FAM107B: variants seen among roughly 807,000 people sequenced by gnomAD.
FAM107B encodes the protein family with sequence similarity 107 member B, also known as protein FAM107B.
Under a neutral mutation model 31.5 loss-of-function variants are expected in FAM107B, and 21 were observed. The ratio of observed to expected loss-of-function variants is 0.67; its 90% CI spans 0.47 to 0.96. FAM107B has a LOEUF of 0.96. Ranked by LOEUF, FAM107B falls within the 40% of genes least tolerant of loss-of-function variation. FAM107B has a pLI of 0.00. For synonymous variants in FAM107B, 157 were observed against 141.5 expected, an observed-to-expected ratio of 1.11 and a Z score of -0.78; for missense variants, 452 against 377.1, an observed-to-expected ratio of 1.20 and a Z score of -1.64.
intron 1 of FAM107B, among the ~76,000 whole-genome samples, chr10:14,678,170 C>G (rs1044634170): frequency 2.6e-5 from 4 of 152,230 alleles, no homozygotes; most frequent in African/African-American, 9.6e-5. Flanking sequence ...GACTTATTCT[C>G]TCTAAATTTC....
chr10:14,771,139 C>T (rs1444667782), intron 1 of FAM107B, among the ~76,000 whole-genome samples: 1 of 152,106 alleles, frequency 6.6e-6, no homozygotes, highest in Non-Finnish European at 1.5e-5. Flanking sequence ...CATGCCATTG[C>T]AAAGTCACTT....
At chr10:14,571,978 A>G (rs1851264688) in intron 2 of FAM107B, 1 of 985,340 alleles carries the variant, frequency 1.0e-6, no homozygotes, top group African/African-American at 1.7e-5. Flanking sequence ...AAAAGATCGC[A>G]GTAAGAATGC....
rs1416047109 is a variant in FAM107B at position 14,717,206 on chromosome 10, T to C, written c.412-49515A>G. On this transcript the variant is annotated intron_variant, in intron 1 of 4. Coordinates refer to ENST00000181796, the MANE Select transcript of FAM107B (RefSeq NM_031453.4). ...TGGGTAAGGTAGTGAGCACGTGGTT[T>C]GTTCTGAAGTCCTGGCTTAGGCCCA... 2.0e-5 allele frequency among the ~76,000 whole-genome samples: 3 copies of C among 152,360 alleles called. No individual in the cohort carries two copies. The East Asian group carries it at 5.8e-4, about 29-fold the overall frequency.
chr10:14,734,361 G>C lies in FAM107B; in HGVS notation c.411+39892C>G, dbSNP rs1004604929. ...GCCCATCCTGACCTATAGGGAGTTGGAAGCATTTACTAAATCAAGCTTGTC... is the reference window on the plus strand; with the variant it reads ...GCCCATCCTGACCTATAGGGAGTTGCAAGCATTTACTAAATCAAGCTTGTC... On this transcript the variant is annotated intron_variant, in intron 1 of 4. Transcript: ENST00000181796. 1.8e-4 allele frequency among the ~76,000 whole-genome samples: 28 copies of C among 152,102 alleles called. 1 individual carries two copies. Among genetic ancestry groups the C allele is most frequent in the Non-Finnish European group, 8.8e-5 (6 of 68,032 alleles).
intron 2 of FAM107B, among the ~76,000 whole-genome samples, chr10:14,584,032 T>C (rs1399650421): frequency 1.3e-5 from 2 of 152,196 alleles, no homozygotes; most frequent in Non-Finnish European, 2.9e-5. Context: ...TGCCTTTCAG[T>C]AGGAGTTCCT....
chr10:14,699,272 A>G (rs1183371374), intron 1 of FAM107B, among the ~76,000 whole-genome samples: 1 of 152,208 alleles, frequency 6.6e-6, no homozygotes, highest in Non-Finnish European at 1.5e-5. Context: ...ATGTATTTAT[A>G]TAGATGTGGA....
At chr10:14,650,866 C>A (rs945169706) in intron 2 of FAM107B, among the ~76,000 whole-genome samples, 1 of 152,288 alleles carries the variant, frequency 6.6e-6, no homozygotes, top group East Asian at 1.9e-4. Flanking sequence ...TATTCCCTTG[C>A]TCTTATGCTT....
chr10:14,770,556 C>G lies in FAM107B; in HGVS notation c.411+3697G>C, dbSNP rs114251292. Among the ~76,000 whole-genome samples the G allele has an allele frequency of 6.3e-3, 958 of 152,102 alleles. 9 individuals are homozygous for G. Among genetic ancestry groups the G allele is most frequent in the African/African-American group, 0.022 (909 of 41,514 alleles). The stretch of plus-strand genomic sequence containing the variant: ...AAAAATAAAAATAAAATAAAATAAA[C>G]AGCAGTACTGCTGAATTTCGTTGAG... On this transcript the variant is annotated intron_variant, in intron 1 of 4. Transcript: ENST00000181796.
At chr10:14,641,027 G>A (rs565850612) in intron 2 of FAM107B, among the ~76,000 whole-genome samples, 6 of 152,262 alleles carry the variant, frequency 3.9e-5, no homozygotes, top group African/African-American at 1.4e-4. Flanking sequence ...GCTCTATAAT[G>A]TCCTGCTAGG....
intron 1 of FAM107B, among the ~76,000 whole-genome samples, chr10:14,746,241 C>A (rs894395192): frequency 5.9e-5 from 9 of 152,152 alleles, no homozygotes; most frequent in Non-Finnish European, 1.5e-5. Context: ...GGTTTTGACT[C>A]TTTAGCCAGC....
intron 2 of FAM107B, among the ~76,000 whole-genome samples, chr10:14,569,369 T>C (rs946596021): frequency 1.3e-5 from 2 of 152,090 alleles, no homozygotes; most frequent in South Asian, 2.1e-4. Flanking sequence ...ACATGTTGTG[T>C]TGTGGTGAGC....
At chr10:14,625,225 GAA>G (rs36086660) in intron 2 of FAM107B, among the ~76,000 whole-genome samples, 15 of 117,688 alleles carry the variant, frequency 1.3e-4, no homozygotes, top group Admixed American at 3.4e-4. Flanking sequence ...GACTGTCTCA[GAA>G]AAAAAAAAAA....
intron 1 of FAM107B, among the ~76,000 whole-genome samples, chr10:14,721,106 G>A (rs1359814635): frequency 1.3e-5 from 2 of 151,754 alleles, no homozygotes; most frequent in East Asian, 1.9e-4. Flanking sequence ...TTTGTTTTCT[G>A]TCCTTGTAAT....
At chr10:14,551,240 C>T (rs1028566098) in intron 2 of FAM107B, among the ~76,000 whole-genome samples, 1 of 152,092 alleles carries the variant, frequency 6.6e-6, no homozygotes, top group Non-Finnish European at 1.5e-5. Flanking sequence ...CTCTGCCTCC[C>T]AGTTTTAAGC....
intron 1 of FAM107B, among the ~76,000 whole-genome samples, chr10:14,757,219 G>T (rs1832948281): frequency 6.6e-6 from 1 of 151,770 alleles, no homozygotes; most frequent in African/African-American, 2.4e-5. Flanking sequence ...CATACAAGTT[G>T]CTCTAGGGTT....
intron 2 of FAM107B, among the ~76,000 whole-genome samples, chr10:14,541,440 C>T (rs925667766): frequency 2.6e-5 from 4 of 152,148 alleles, no homozygotes; most frequent in African/African-American, 9.7e-5. Flanking sequence ...AGCCCGTGCA[C>T]GTTCCCATCT....
intron 2 of FAM107B, among the ~76,000 whole-genome samples, chr10:14,602,053 G>A (rs916287575): frequency 6.6e-6 from 1 of 152,214 alleles, no homozygotes; most frequent in African/African-American, 2.4e-5. Context: ...GTCCCCTGGG[G>A]TAGGAGATTG....
intron 2 of FAM107B, among the ~76,000 whole-genome samples, chr10:14,632,853 T>C (rs1479272807): frequency 6.6e-6 from 1 of 151,434 alleles, no homozygotes; most frequent in Admixed American, 6.6e-5. Flanking sequence ...AGGGAAGGGG[T>C]TCAGAGATGA....
chr10:14,542,269 CAAAAAAAAA>C (rs147609287), intron 2 of FAM107B, among the ~76,000 whole-genome samples: 1 of 55,984 alleles, frequency 1.8e-5, no homozygotes, highest in African/African-American at 7.0e-5. Context: ...GACTCCATCT[CAAAAAAAAA>C]AAAAAAAAAA....
Sources: gnomAD v4.1 joint callset for allele counts (sites outside exome capture counted in the v4.1 genomes callset) on GRCh38, gnomAD v4.1.1 for gene constraint, MANE v1.5 for transcripts, NCBI Gene and HGNC (gene_info 2026-07-23, HGNC 2026-07-21) for gene names.